SYS1: variants seen among roughly 807,000 people sequenced by gnomAD.
SYS1 encodes SYS1 golgi trafficking protein, also known as protein SYS1 homolog.
A neutral mutation model predicts 17.8 loss-of-function variants in SYS1; 8 were observed. That is an observed-to-expected ratio of 0.45 (90% confidence interval 0.26 to 0.81). SYS1 has a LOEUF of 0.81. Ranked by LOEUF, SYS1 falls within the 40% of genes least tolerant of loss-of-function variation. SYS1 has a pLI of 0.16. For synonymous variants in SYS1, 95 were observed against 90.9 expected (o/e 1.05, Z -0.26); for missense variants, 161 against 203.9 (o/e 0.79, Z 1.28).
rs41307197 is a variant in SYS1, at chr20:45,363,631, C to T, written c.100C>T (p.Leu34=). 6.0e-3 allele frequency: 9,476 copies of T among 1,584,242 alleles called. 69 individuals carry two copies. Among genetic ancestry groups the T allele is most frequent in the Non-Finnish European group, 5.9e-3 (6,871 of 1,166,526 alleles). Residue 34 remains leucine (L), a synonymous_variant, in exon 2 of 4, where the codon CTG becomes TTG. Coordinates refer to ENST00000243918, the MANE Select transcript of SYS1 (RefSeq NM_033542.4). ...TVYYGSLGLW[L]ALVDGLVRSS... ...GTATTACGGCTCGCTGGGCCTGTGG[C>T]TGGCGCTGGTGGACGGGCTAGTGCG...
chr20:45,367,220 A>T lies in SYS1; in HGVS notation c.*105A>T. On this transcript the variant is annotated 3_prime_UTR_variant, in exon 4 of 4. Transcript: ENST00000243918. ...GCCCAGATCTGAGAGGAACCCTGGA[A>T]ATGTGAAGTCTCTGTTGGTTTGGGA... 1 of 1,532,940 alleles carries T rather than the reference A, an allele frequency of 6.5e-7. No individual in the cohort carries two copies. The highest frequency in any genetic ancestry group is 1.8e-4 in the Middle Eastern group (1 of 5,436). 95.0% of individuals were successfully genotyped at this position (1,532,940 alleles called of 1,614,324 possible). A position where few individuals can be genotyped will look rare whatever the true frequency, so the allele number is the denominator to read the frequency against.
chr20:45,372,500 G>A (rs1000603368), downstream of SYS1: 25 of 152,290 alleles, frequency 1.6e-4, no homozygotes, highest in African/African-American at 5.3e-4. Context: ...TTAGCTGGGA[G>A]GGCGCTGTCT....
chr20:45,362,202 C>G (rs1988243706), upstream of SYS1, among the ~76,000 whole-genome samples: 1 of 152,142 alleles, frequency 6.6e-6, no homozygotes, highest in Non-Finnish European at 1.5e-5. Context: ...ACTGGACACC[C>G]ACATTTTAAA....
Position 45,368,530 on chromosome 20 carries a change from T to C in SYS1, c.*1415T>C. On this transcript the variant is annotated 3_prime_UTR_variant, in exon 4 of 4. Transcript: ENST00000243918. The stretch of plus-strand genomic sequence containing the variant: ...TAACACAAATGAGTTTTGCTATCTC[T>C]CTGAGAAGCTCATCTGACCTCCTGA... 6 of 985,424 alleles carry C rather than the reference T, an allele frequency of 6.1e-6. No homozygotes were observed. Among genetic ancestry groups the C allele is most frequent in the Non-Finnish European group, 7.2e-6 (6 of 829,938 alleles). 61.0% of individuals were successfully genotyped at this position (985,424 alleles called of 1,614,324 possible). A position where few individuals can be genotyped will look rare whatever the true frequency, so the allele number is the denominator to read the frequency against.
downstream of SYS1, among the ~76,000 whole-genome samples, chr20:45,371,994 G>T (rs1988570487): frequency 6.6e-6 from 1 of 152,178 alleles, no homozygotes. Context: ...CTTCTAAAAA[G>T]TCACTCAATA....
At chr20:45,366,843 A>T in intron 3 of SYS1, 32 bp from the exon 4 acceptor site, 1 of 1,589,526 alleles carries the variant, frequency 6.3e-7, no homozygotes, top group Non-Finnish European at 8.6e-7. Context: ...AGGACAACCC[A>T]GTGACAACTC....
rs909007069 is a variant in SYS1 at position 45,367,195 on chromosome 20, G to T, written c.*80G>T. ...GCTCAGACCCTCCAGATGAGGTCCA[G>T]CCCAGATCTGAGAGGAACCCTGGAA... On this transcript the variant is annotated 3_prime_UTR_variant, in exon 4 of 4. Coordinates refer to ENST00000243918, the MANE Select transcript of SYS1 (RefSeq NM_033542.4). The T allele has an allele frequency of 3.8e-6, 6 of 1,563,346 alleles. No homozygotes were observed. In the East Asian group the frequency reaches 1.4e-4, roughly 35 times the overall value.
In SYS1 at chr20:45,368,510, C is replaced by A. The variant is rs1217305967; in HGVS notation, c.*1395C>A. The stretch of plus-strand genomic sequence containing the variant: ...TAACACAAATGAGTTTATGGTAACA[C>A]AAATGAGTTTTGCTATCTCTCTGAG... On this transcript the variant is annotated 3_prime_UTR_variant, in exon 4 of 4. Coordinates refer to ENST00000243918, the MANE Select transcript of SYS1 (RefSeq NM_033542.4). The A allele has an allele frequency of 2.0e-6, 2 of 985,324 alleles. No individual in the cohort carries two copies. The highest frequency in any genetic ancestry group is 1.1e-4 in the East Asian group (1 of 8,830). 61.0% of individuals were successfully genotyped at this position (985,324 alleles called of 1,614,324 possible). A position where few individuals can be genotyped will look rare whatever the true frequency, so the allele number is the denominator to read the frequency against.
downstream of SYS1, chr20:45,374,136 A>G (rs1988645296): frequency 7.1e-6 from 6 of 841,864 alleles, no homozygotes; most frequent in Admixed American, 2.1e-5. Flanking sequence ...TTTGCTAAAA[A>G]GGAAAAGCCT....
chr20:45,364,632 C>T (rs1366512217), intron 2 of SYS1, among the ~76,000 whole-genome samples: 4 of 151,686 alleles, frequency 2.6e-5, no homozygotes, highest in Non-Finnish European at 4.4e-5. Flanking sequence ...CCACTACGCC[C>T]GGCTAATTTT....
At chr20:45,369,999 A>G (rs1056543504), downstream of SYS1, among the ~76,000 whole-genome samples, 2 of 151,502 alleles carry the variant, frequency 1.3e-5, no homozygotes, top group Admixed American at 1.3e-4. Flanking sequence ...ATCTCAGCTT[A>G]CTGCAACCTC....
Position 45,367,353 on chromosome 20 carries a change from C to T in SYS1, c.*238C>T. 7.3e-7 allele frequency: 1 copy of T among 1,365,060 alleles called. No homozygotes were observed. Among genetic ancestry groups the T allele is most frequent in the East Asian group, 2.9e-5 (1 of 34,480 alleles). 84.6% of individuals were successfully genotyped at this position (1,365,060 alleles called of 1,614,324 possible). A position where few individuals can be genotyped will look rare whatever the true frequency, so the allele number is the denominator to read the frequency against. ...GTATCTGAGAGGTCAGGAAGGGGAC[C>T]TCTTTGAGGGTAATAACAGAATTGG... On this transcript the variant is annotated 3_prime_UTR_variant, in exon 4 of 4. Transcript: ENST00000243918.
downstream of SYS1, among the ~76,000 whole-genome samples, chr20:45,370,100 T>G (rs558828350): frequency 1.0e-3 from 152 of 151,490 alleles, no homozygotes; most frequent in Non-Finnish European, 2.0e-3. Context: ...AATTTTTGTA[T>G]TTTTCATAGA....
At chr20:45,364,448 TGGTGATGA>T (rs1568916675) in intron 2 of SYS1, among the ~76,000 whole-genome samples, 2 of 144,294 alleles carry the variant, frequency 1.4e-5, no homozygotes, top group African/African-American at 5.1e-5. Flanking sequence ...AGCTGTGGCG[TGGTGATGA>T]GCACAGTTCT....
intron 2 of SYS1, 63 bp from the exon 3 acceptor site, chr20:45,365,556 T>G: frequency 6.6e-7 from 1 of 1,516,978 alleles, no homozygotes; most frequent in Non-Finnish European, 9.2e-7. Context: ...GGAGGCTTGC[T>G]GAGATCCTGG....
At chr20:45,374,301 C>CT (rs1204080940) in exon 4 of SYS1, 2 of 696,758 alleles carry the variant, frequency 2.9e-6, no homozygotes, top group Non-Finnish European at 5.2e-6. Flanking sequence ...AAGACAGGGT[C>CT]TTGCTCTCTT....
intron 2 of SYS1, chr20:45,365,336 T>C: frequency 2.0e-6 from 1 of 504,014 alleles, no homozygotes; most frequent in Non-Finnish European, 3.7e-6. Context: ...TTCTAGACTT[T>C]ACTCTTGTTG....
rs565153804 is a variant in SYS1, at chr20:45,368,286, C to G, written c.*1171C>G. 3.0e-5 allele frequency: 30 copies of G among 985,460 alleles called. No homozygotes were observed. The South Asian group carries it at 1.2e-3, about 40-fold the overall frequency. The allele number at this position is 985,460 out of a possible 1,614,324, so 61.0% of individuals were successfully genotyped here. On this transcript the variant is annotated 3_prime_UTR_variant, in exon 4 of 4. Coordinates refer to ENST00000243918, the MANE Select transcript of SYS1 (RefSeq NM_033542.4). ...TGCAGGGAACTCTTACATCCTGTCT[C>G]CTTCACTTGCAGCGTCCCCTGCTAT...
At position 45,367,474 on chromosome 20, in the gene SYS1, T is replaced by G; in HGVS notation, c.*359T>G. 2 of 1,075,526 alleles carry G rather than the reference T, an allele frequency of 1.9e-6. No individual in the cohort carries two copies. The highest frequency in any genetic ancestry group is 2.3e-6 in the Non-Finnish European group (2 of 883,716). 66.6% of individuals were successfully genotyped at this position (1,075,526 alleles called of 1,614,324 possible). On this transcript the variant is annotated 3_prime_UTR_variant, in exon 4 of 4. Transcript: ENST00000243918. ...TATCTGATTGGAGCAAACCACTTCT[T>G]TAGTCATCTGTCTTACCCCCCTGGG...
Sources: gnomAD v4.1 joint callset for allele counts (sites outside exome capture counted in the v4.1 genomes callset) on GRCh38, gnomAD v4.1.1 for gene constraint, MANE v1.5 for transcripts, NCBI Gene and HGNC (gene_info 2026-07-23, HGNC 2026-07-21) for gene names.